TEAD1: variants seen among roughly 807,000 people sequenced by gnomAD.
TEAD1 encodes the protein TEA domain transcription factor 1.
TEAD1 carries 9 observed loss-of-function variants against 54.9 expected under a neutral mutation model. The ratio of observed to expected loss-of-function variants is 0.16; its 90% CI spans 0.10 to 0.29. The LOEUF (loss-of-function observed/expected upper bound fraction) is 0.29, where lower values mean the gene tolerates loss of function less well. TEAD1 is among the 10% of genes least tolerant of loss of function. TEAD1 has a pLI of 1.00. For missense variants in TEAD1, 387 were observed against 535.9 expected, an observed-to-expected ratio of 0.72 and a Z score of 2.74; for synonymous variants, 200 against 187.8, an observed-to-expected ratio of 1.07 and a Z score of -0.53.
At chr11:12,924,512 A>G (rs975854350) in intron 10 of TEAD1, among the ~76,000 whole-genome samples, 1 of 152,204 alleles carries the variant, frequency 6.6e-6, no homozygotes, top group East Asian at 1.9e-4. Flanking sequence ...GTTTGTACAT[A>G]TATGACAAAT....
chr11:12,875,116 A>G (rs1433533224), intron 5 of TEAD1, among the ~76,000 whole-genome samples: 2 of 152,210 alleles, frequency 1.3e-5, no homozygotes, highest in African/African-American at 2.4e-5. Context: ...ACCTTTGTAA[A>G]TCTCATCCAC....
At chr11:12,675,947 C>G (rs144116121) in intron 2 of TEAD1, among the ~76,000 whole-genome samples, 117 of 152,290 alleles carry the variant, frequency 7.7e-4, no homozygotes, top group Admixed American at 5.0e-3. Flanking sequence ...ACCAGCGTTT[C>G]TCAGGAGGCT....
At chr11:12,767,953 A>G (rs1210165513) in intron 3 of TEAD1, among the ~76,000 whole-genome samples, 1 of 152,218 alleles carries the variant, frequency 6.6e-6, no homozygotes, top group Non-Finnish European at 1.5e-5. Flanking sequence ...TTCTTGATCA[A>G]CAAACTTATC....
At chr11:12,758,567 C>T (rs531028560) in intron 2 of TEAD1, among the ~76,000 whole-genome samples, 14 of 152,154 alleles carry the variant, frequency 9.2e-5, no homozygotes, top group East Asian at 3.9e-4. Context: ...CCTGCCACCA[C>T]GCCTGGCTAA....
At chr11:12,812,290 T>C (rs1332847724) in intron 3 of TEAD1, among the ~76,000 whole-genome samples, 2 of 152,144 alleles carry the variant, frequency 1.3e-5, no homozygotes, top group Non-Finnish European at 2.9e-5. Context: ...TGGATGTGAC[T>C]GAAAGGATTT....
chr11:12,875,776 A>AC (rs1221017350), intron 5 of TEAD1, among the ~76,000 whole-genome samples: 1 of 152,228 alleles, frequency 6.6e-6, no homozygotes, highest in Admixed American at 6.5e-5. Flanking sequence ...AGGACAGCAG[A>AC]CCAAAGCTGC....
chr11:12,873,460 C>A (rs529640094), intron 5 of TEAD1, among the ~76,000 whole-genome samples: 28 of 152,272 alleles, frequency 1.8e-4, no homozygotes, highest in Middle Eastern at 3.4e-3. Flanking sequence ...TTATAAAATA[C>A]CAAATATAGC....
intron 3 of TEAD1, among the ~76,000 whole-genome samples, chr11:12,775,674 G>A (rs538038770): frequency 3.9e-5 from 6 of 152,210 alleles, no homozygotes; most frequent in South Asian, 4.1e-4. Flanking sequence ...AAGTGTGTTC[G>A]TTGGGAGGAT....
chr11:12,854,467 G>C (rs1362373373), intron 3 of TEAD1, among the ~76,000 whole-genome samples: 1 of 152,218 alleles, frequency 6.6e-6, no homozygotes. Context: ...TAGCTGTGCT[G>C]TGTGCTGTGA....
In TEAD1 at chr11:12,687,469, C is replaced by T. The variant is rs139303447; in HGVS notation, c.-55+11908C>T. Among the ~76,000 whole-genome samples, 86 of 152,304 alleles carry T rather than the reference C, an allele frequency of 5.6e-4. 1 individual carries two copies. Among genetic ancestry groups the T allele is most frequent in the African/African-American group, 1.9e-3 (79 of 41,554 alleles). Reference sequence around the variant, plus strand: ...AAGCTCAGAGAAGTTTAGTGACCTACCCAACATCACACAGCTGCACTTTAA... The same window carrying T: ...AAGCTCAGAGAAGTTTAGTGACCTATCCAACATCACACAGCTGCACTTTAA... On this transcript the variant is annotated intron_variant, in intron 2 of 12. Coordinates refer to ENST00000527636, the MANE Select transcript of TEAD1 (RefSeq NM_021961.6).
chr11:12,864,542 T>G (rs1321070755), intron 4 of TEAD1: 9 of 526,870 alleles, frequency 1.7e-5, no homozygotes, highest in Non-Finnish European at 2.8e-5. Flanking sequence ...AGAGCTTTGT[T>G]GAGATGCAAA....
chr11:12,733,763 AATGATGT>A (rs1944469120), intron 2 of TEAD1, among the ~76,000 whole-genome samples: 1 of 152,216 alleles, frequency 6.6e-6, no homozygotes. Context: ...AGTGCCATAT[AATGATGT>A]TTCGGTCAAT....
At chr11:12,892,583 G>T (rs1231517528) in intron 9 of TEAD1, among the ~76,000 whole-genome samples, 2 of 152,204 alleles carry the variant, frequency 1.3e-5, no homozygotes, top group Non-Finnish European at 2.9e-5. Context: ...AGCAGAGGTT[G>T]CAGTGAGCTG....
chr11:12,741,733 A>G (rs1944653710), intron 2 of TEAD1, among the ~76,000 whole-genome samples: 1 of 152,178 alleles, frequency 6.6e-6, no homozygotes, highest in Non-Finnish European at 1.5e-5. Flanking sequence ...GAGGAGGTCA[A>G]AAAGTCTTTT....
intron 3 of TEAD1, among the ~76,000 whole-genome samples, chr11:12,775,224 A>AG (rs1491397451): frequency 6.6e-6 from 1 of 152,156 alleles, no homozygotes; most frequent in African/African-American, 2.4e-5. Flanking sequence ...GTCAAAGAAC[A>AG]GGGGGACGGG....
chr11:12,904,430 A>G (rs1948481547), intron 10 of TEAD1, among the ~76,000 whole-genome samples: 1 of 152,216 alleles, frequency 6.6e-6, no homozygotes, highest in South Asian at 2.1e-4. Context: ...GACAAAATGT[A>G]ATTTGATATT....
chr11:12,920,704 A>C (rs114255635), intron 10 of TEAD1, among the ~76,000 whole-genome samples: 3,675 of 152,312 alleles, frequency 0.024, 149 homozygotes, highest in African/African-American at 0.083. Context: ...AACTAGTACA[A>C]TGTTAGCTTA....
At chr11:12,861,357 C>G (rs1034676062) in intron 3 of TEAD1, among the ~76,000 whole-genome samples, 1 of 152,014 alleles carries the variant, frequency 6.6e-6, no homozygotes, top group Non-Finnish European at 1.5e-5. Flanking sequence ...TGTTCTTTCC[C>G]CAGAAGGTTA....
intron 3 of TEAD1, among the ~76,000 whole-genome samples, chr11:12,829,317 C>T (rs2134015059): frequency 6.6e-6 from 1 of 152,280 alleles, no homozygotes; most frequent in South Asian, 2.1e-4. Context: ...AATGACCTTG[C>T]CTACCAAACG....
Sources: allele counts gnomAD v4.1 joint callset (sites outside exome capture counted in the v4.1 genomes callset), GRCh38; gene constraint gnomAD v4.1.1; transcripts MANE v1.5; gene names NCBI Gene and HGNC (gene_info 2026-07-23, HGNC 2026-07-21).